KCNQ5: variants seen among roughly 807,000 people sequenced by gnomAD.
KCNQ5 encodes potassium voltage-gated channel subfamily Q member 5.
KCNQ5 carries 30 observed loss-of-function variants against 98.2 expected under a neutral mutation model. That is an observed-to-expected ratio of 0.31 (90% CI 0.23 to 0.41). KCNQ5 has a LOEUF of 0.41. Ranked by LOEUF, KCNQ5 falls within the 10% of genes least tolerant of loss-of-function variation. The pLI, the probability that KCNQ5 is intolerant of heterozygous loss-of-function variation, is 1.00. For synonymous variants in KCNQ5, 458 were observed against 449.4 expected (o/e 1.02, Z -0.24); for missense variants, 835 against 1,182.5 (o/e 0.71, Z 4.31).
chr6:73,106,080 T>C (rs2150420503), intron 6 of KCNQ5, among the ~76,000 whole-genome samples: 1 of 152,134 alleles, frequency 6.6e-6, no homozygotes, highest in Non-Finnish European at 1.5e-5. Flanking sequence ...AAAAGGAGGG[T>C]TAACGCGGTG....
At chr6:72,640,332 G>C (rs1293156564) in intron 1 of KCNQ5, among the ~76,000 whole-genome samples, 1 of 147,150 alleles carries the variant, frequency 6.8e-6, no homozygotes, top group African/African-American at 2.5e-5. Context: ...ATAATTGCTG[G>C]GCAAAAAAAA....
chr6:72,828,269 T>A (rs1007978142), intron 1 of KCNQ5, among the ~76,000 whole-genome samples: 13 of 152,108 alleles, frequency 8.5e-5, no homozygotes, highest in African/African-American at 2.9e-4. Context: ...GTGAATAATG[T>A]CATTGGTATT....
intron 1 of KCNQ5, among the ~76,000 whole-genome samples, chr6:72,941,227 G>T (rs1412975431): frequency 6.6e-6 from 1 of 151,438 alleles, no homozygotes; most frequent in Non-Finnish European, 1.5e-5. Context: ...CCTTCTATCT[G>T]CATGCATAGG....
At chr6:72,747,070 T>C (rs1771442579) in intron 1 of KCNQ5, among the ~76,000 whole-genome samples, 1 of 152,070 alleles carries the variant, frequency 6.6e-6, no homozygotes. Flanking sequence ...TAACCTAAGG[T>C]CCAGAATTTG....
intron 3 of KCNQ5, among the ~76,000 whole-genome samples, chr6:73,063,352 G>A (rs907912095): frequency 6.6e-6 from 1 of 152,186 alleles, no homozygotes; most frequent in African/African-American, 2.4e-5. Flanking sequence ...AGCTTCAGGA[G>A]TTGGTTGCCA....
intron 3 of KCNQ5, among the ~76,000 whole-genome samples, chr6:73,056,658 T>C (rs1772511032): frequency 6.6e-6 from 1 of 152,190 alleles, no homozygotes; most frequent in Non-Finnish European, 1.5e-5. Context: ...GATTTCTGAA[T>C]CATGTTGCAG....
At chr6:72,669,871 T>G (rs1386494328) in intron 1 of KCNQ5, among the ~76,000 whole-genome samples, 1 of 152,120 alleles carries the variant, frequency 6.6e-6, no homozygotes, top group African/African-American at 2.4e-5. Context: ...CCCTTAATGC[T>G]TAGTTGCTTA....
At chr6:72,881,241 T>A (rs1201910411) in intron 1 of KCNQ5, among the ~76,000 whole-genome samples, 1 of 152,220 alleles carries the variant, frequency 6.6e-6, no homozygotes, top group Non-Finnish European at 1.5e-5. Flanking sequence ...TATCAGTTGA[T>A]GAACACAGAG....
intron 1 of KCNQ5, among the ~76,000 whole-genome samples, chr6:72,685,470 C>T (rs139203677): frequency 3.8e-4 from 58 of 152,312 alleles, no homozygotes; most frequent in Middle Eastern, 3.4e-3. Flanking sequence ...TCTTCCATCC[C>T]GTTCCTGGCC....
intron 1 of KCNQ5, among the ~76,000 whole-genome samples, chr6:72,704,235 C>G (rs1460794039): frequency 6.6e-6 from 1 of 152,066 alleles, no homozygotes; most frequent in Non-Finnish European, 1.5e-5. Flanking sequence ...AGAAATATTC[C>G]TCCCTCTGTT....
Position 73,192,706 on chromosome 6 carries a change from CGCTGGGTATCTTTTTA to C in KCNQ5, c.1836+18_1836+33del. ...TTGAAAAACAGGTACAACTCAACTACGCTGGGTATCTTTTTAGCCAGAATTTTTTTAATCAAAATTT... is the reference window on the plus strand; with the variant it reads ...TTGAAAAACAGGTACAACTCAACTACGCCAGAATTTTTTTAATCAAAATTT... On this transcript the variant is annotated intron_variant, in intron 13 of 13. Coordinates refer to ENST00000370398, the MANE Select transcript of KCNQ5 (RefSeq NM_019842.4). 1.9e-6 allele frequency: 3 copies of C among 1,540,452 alleles called. No homozygotes were observed. The highest frequency in any genetic ancestry group is 2.6e-6 in the Non-Finnish European group (3 of 1,144,830).
At chr6:72,802,549 T>A (rs1463274730) in intron 1 of KCNQ5, among the ~76,000 whole-genome samples, 1 of 152,172 alleles carries the variant, frequency 6.6e-6, no homozygotes, top group Non-Finnish European at 1.5e-5. Flanking sequence ...AAACCCAACC[T>A]CATATCGTTA....
At chr6:73,124,673 C>T (rs113088800) in intron 9 of KCNQ5, 161 bp downstream of exon 9, 250 of 689,138 alleles carry the variant, frequency 3.6e-4, no homozygotes, top group African/African-American at 3.3e-3. Context: ...ATTGATATTT[C>T]GCCCCTTAGT....
intron 1 of KCNQ5, among the ~76,000 whole-genome samples, chr6:72,789,040 G>C (rs899744729): frequency 9.9e-5 from 15 of 152,164 alleles, no homozygotes; most frequent in African/African-American, 3.4e-4. Flanking sequence ...CATACTTTCT[G>C]ATGGTGGAGC....
chr6:73,125,514 A>G (rs766323711), intron 9 of KCNQ5: 1 of 516,888 alleles, frequency 1.9e-6, no homozygotes. Context: ...GCATCCACCT[A>G]CCCAGAGTTG....
chr6:73,194,015 T>C (rs1206908643), intron 13 of KCNQ5, among the ~76,000 whole-genome samples: 1 of 152,014 alleles, frequency 6.6e-6, no homozygotes, highest in Non-Finnish European at 1.5e-5. Flanking sequence ...TTTTGTATTA[T>C]TTTTGGTAGA....
chr6:73,163,742 T>G (rs567341435), intron 10 of KCNQ5, among the ~76,000 whole-genome samples: 3 of 152,188 alleles, frequency 2.0e-5, no homozygotes, highest in Non-Finnish European at 4.4e-5. Context: ...AGCAAGACTC[T>G]GTCTCAAAAA....
intron 5 of KCNQ5, 58 bp from the exon 6 acceptor site, chr6:73,105,199 A>T: frequency 1.1e-6 from 1 of 909,036 alleles, no homozygotes; most frequent in Non-Finnish European, 1.7e-6. Flanking sequence ...TCCTGTTCAT[A>T]GGTCCTAACT....
chr6:72,678,132 T>C (rs1284667575), intron 1 of KCNQ5, among the ~76,000 whole-genome samples: 3 of 152,226 alleles, frequency 2.0e-5, no homozygotes, highest in Non-Finnish European at 4.4e-5. Context: ...TAGGGCTGAA[T>C]TGGTTTGTGA....
Sources: gnomAD v4.1 joint callset for allele counts (sites outside exome capture counted in the v4.1 genomes callset) on GRCh38, gnomAD v4.1.1 for gene constraint, MANE v1.5 for transcripts, NCBI Gene and HGNC (gene_info 2026-07-23, HGNC 2026-07-21) for gene names.